Variants in PTPRN2 observed in about 807,000 individuals in gnomAD.
The protein encoded by PTPRN2 is receptor-type tyrosine-protein phosphatase N2.
PTPRN2 carries 74 observed loss-of-function variants against 118.8 expected under a neutral mutation model. The observed-to-expected ratio is 0.62, with a 90% confidence interval of 0.52 to 0.76. The LOEUF is 0.76. Among genes scored for constraint, PTPRN2 ranks in the 30% least tolerant of loss-of-function variants. The probability of loss-of-function intolerance (pLI) is 0.00; values close to 1 mark genes in which losing one functional copy is unlikely to be tolerated. For synonymous variants in PTPRN2, 641 were observed against 608.0 expected (o/e 1.05, Z -0.80); for missense variants, 1,481 against 1,394.4 (o/e 1.06, Z -0.99).
At chr7:158,050,478 C>A (rs575794209) in intron 11 of PTPRN2, among the ~76,000 whole-genome samples, 7 of 152,346 alleles carry the variant, frequency 4.6e-5, no homozygotes, top group Admixed American at 1.3e-4. Context: ...GGAAACTCCT[C>A]CTGCTGTTCT....
chr7:157,957,259 C>T (rs944905996), intron 11 of PTPRN2, among the ~76,000 whole-genome samples: 2 of 152,202 alleles, frequency 1.3e-5, no homozygotes, highest in Admixed American at 1.3e-4. Flanking sequence ...CAACCCCCAT[C>T]CCCTCTCCAC....
At chr7:157,714,058 C>T (rs530997638) in intron 12 of PTPRN2, among the ~76,000 whole-genome samples, 4 of 152,312 alleles carry the variant, frequency 2.6e-5, no homozygotes, top group South Asian at 4.1e-4. Flanking sequence ...TGTAAAGCCA[C>T]GAAGGCATCG....
chr7:158,410,151 A>G (rs1464378163), intron 2 of PTPRN2, among the ~76,000 whole-genome samples: 2 of 152,058 alleles, frequency 1.3e-5, no homozygotes, highest in African/African-American at 4.8e-5. Context: ...AAAAAGAAAA[A>G]CAGCCCATGT....
intron 14 of PTPRN2, among the ~76,000 whole-genome samples, chr7:157,626,870 T>C (rs1385172047): frequency 6.6e-6 from 1 of 152,228 alleles, no homozygotes; most frequent in Non-Finnish European, 1.5e-5. Context: ...ATAAGGAACT[T>C]GGAATGTTTT....
At chr7:158,386,115 C>T (rs111204900) in intron 2 of PTPRN2, among the ~76,000 whole-genome samples, 52 of 140,292 alleles carry the variant, frequency 3.7e-4, no homozygotes, top group African/African-American at 1.5e-3. Flanking sequence ...CTCCCATGCC[C>T]AGAGTCCCTC....
At position 157,994,524 on chromosome 7, in the gene PTPRN2, C is replaced by G. The variant is rs1804512053; in HGVS notation, c.1723+86774G>C. Among the ~76,000 whole-genome samples the G allele has an allele frequency of 2.1e-5, 3 of 145,612 alleles. No individual in the cohort carries two copies. In the South Asian group the frequency reaches 6.7e-4, roughly 33 times the overall value. On this transcript the variant is annotated intron_variant, in intron 11 of 22. Coordinates refer to ENST00000389418, the MANE Select transcript of PTPRN2 (RefSeq NM_002847.5). ...TGTTCCTAAAATCAGCACCGCATCCCCAGCTTACAGCTCCTTGTTCCTAAA... is the reference window on the plus strand; with the variant it reads ...TGTTCCTAAAATCAGCACCGCATCCGCAGCTTACAGCTCCTTGTTCCTAAA...
intron 14 of PTPRN2, 151 bp from the exon 15 acceptor site, chr7:157,621,660 T>C: frequency 2.3e-6 from 2 of 874,194 alleles, no homozygotes; most frequent in Non-Finnish European, 3.6e-6. Flanking sequence ...TGTGCTACGG[T>C]GCACAATGCA....
intron 2 of PTPRN2, among the ~76,000 whole-genome samples, chr7:158,336,914 C>T (rs376332878): frequency 1.2e-4 from 12 of 104,064 alleles, no homozygotes; most frequent in Non-Finnish European, 2.2e-4. Flanking sequence ...TAAGATCCGA[C>T]GCCCGCAGAC....
intron 2 of PTPRN2, among the ~76,000 whole-genome samples, chr7:158,355,566 A>G (rs1808325539): frequency 6.6e-6 from 1 of 152,196 alleles, no homozygotes; most frequent in Non-Finnish European, 1.5e-5. Context: ...ACGGCAGGAG[A>G]GGCAGGAGCA....
At chr7:158,171,105 CATATATAT>C (rs1201240473) in intron 5 of PTPRN2, among the ~76,000 whole-genome samples, 1 of 115,160 alleles carries the variant, frequency 8.7e-6, no homozygotes, top group African/African-American at 4.4e-5. Flanking sequence ...TATATATACA[CATATATAT>C]ACACACATAT....
chr7:157,816,296 G>A (rs1381313593), intron 12 of PTPRN2, among the ~76,000 whole-genome samples: 2 of 152,200 alleles, frequency 1.3e-5, no homozygotes, highest in African/African-American at 2.4e-5. Context: ...TGCTCGGTGT[G>A]GTCGGGGGCC....
At chr7:158,332,901 C>T (rs1804786893) in intron 2 of PTPRN2, among the ~76,000 whole-genome samples, 1 of 150,966 alleles carries the variant, frequency 6.6e-6, no homozygotes, top group African/African-American at 2.5e-5. Flanking sequence ...GCAAACGTCA[C>T]TCACACCCAC....
At position 157,784,688 on chromosome 7, in the gene PTPRN2, T is replaced by C. The variant is rs930787930; in HGVS notation, c.1789-101751A>G. Among the ~76,000 whole-genome samples, 1 of 149,124 alleles carries C rather than the reference T, an allele frequency of 6.7e-6. No homozygotes were observed. The highest frequency in any genetic ancestry group is 1.5e-5 in the Non-Finnish European group (1 of 66,906). ...GGGCAGGGGCTGGGCTGATCCCGTATGAAACGGGCAGGGGCTGAGCTGATC... is the reference window on the plus strand; with the variant it reads ...GGGCAGGGGCTGGGCTGATCCCGTACGAAACGGGCAGGGGCTGAGCTGATC... On this transcript the variant is annotated intron_variant, in intron 12 of 22. Transcript: ENST00000389418. This position sits in a 1 kb window ranked among gnomAD's most constrained non-coding sequence, Gnocchi z 4.6.
At chr7:157,927,360 A>G (rs35497486) in intron 11 of PTPRN2, among the ~76,000 whole-genome samples, 2,490 of 41,832 alleles carry the variant, frequency 0.06, 419 homozygotes, top group Middle Eastern at 0.095. Context: ...GAGAGCAGAG[A>G]CCTCACGTGT....
chr7:158,328,036 G>A (rs949185156), intron 2 of PTPRN2, among the ~76,000 whole-genome samples: 1 of 152,136 alleles, frequency 6.6e-6, no homozygotes, highest in South Asian at 2.1e-4. Flanking sequence ...TTCTCCAGAG[G>A]GAGAAAAAGC....
chr7:158,155,214 G>A (rs1821591722), intron 6 of PTPRN2, among the ~76,000 whole-genome samples: 1 of 152,200 alleles, frequency 6.6e-6, no homozygotes, highest in South Asian at 2.1e-4. Context: ...GCCACAGCCA[G>A]GCCTATTGAA....
chr7:158,038,431 A>G lies in PTPRN2; in HGVS notation c.1723+42867T>C, dbSNP rs562030591. Among the ~76,000 whole-genome samples the G allele has an allele frequency of 4.6e-5, 7 of 152,314 alleles. No homozygotes were observed. In the South Asian group the frequency reaches 1.2e-3, roughly 27 times the overall value. On this transcript the variant is annotated intron_variant, in intron 11 of 22. Coordinates refer to ENST00000389418, the MANE Select transcript of PTPRN2 (RefSeq NM_002847.5). ...TTAAAGATTCTAAAACTTCAGAAGA[A>G]AATAAGGGCAAATATTTTTATGAAA...
intron 11 of PTPRN2, among the ~76,000 whole-genome samples, chr7:158,036,756 C>T (rs989365473): frequency 6.6e-6 from 1 of 152,022 alleles, no homozygotes; most frequent in South Asian, 2.1e-4. Flanking sequence ...CATCCTTAAC[C>T]CAATAAAAGT....
At chr7:158,522,572 C>T (rs990944174) in intron 1 of PTPRN2, among the ~76,000 whole-genome samples, 5 of 152,166 alleles carry the variant, frequency 3.3e-5, no homozygotes, top group East Asian at 1.9e-4. Context: ...GTGTGTACAG[C>T]GAATCGCTCT....
Sources: gnomAD v4.1 joint callset for allele counts (sites outside exome capture counted in the v4.1 genomes callset) on GRCh38, gnomAD v4.1.1 for gene constraint, Gnocchi (gnomAD v3.1) non-coding constraint, MANE v1.5 for transcripts, NCBI Gene and HGNC (gene_info 2026-07-23, HGNC 2026-07-21) for gene names.